Variants in ATOSA observed in about 807,000 individuals in gnomAD.
ATOSA encodes atos homolog protein A.
the ATOSA span, chr15:52,651,865 C>A: frequency 1.3e-6 from 2 of 1,535,424 alleles, no homozygotes; most frequent in Non-Finnish European, 1.7e-6. Context: ...CACTTCACTA[C>A]ACACCTTCTC....
the ATOSA span, among the ~76,000 whole-genome samples, chr15:52,603,588 G>A: frequency 3.2e-5 from 2 of 62,746 alleles, no homozygotes; most frequent in Non-Finnish European, 6.3e-5. Flanking sequence ...CAACCTAAGT[G>A]TCCATCAATA....
chr15:52,673,321 T>G, the ATOSA span, among the ~76,000 whole-genome samples: 1 of 152,174 alleles, frequency 6.6e-6, no homozygotes, highest in Non-Finnish European at 1.5e-5. Flanking sequence ...TTAAACCACT[T>G]TGGTCCCAAA....
the ATOSA span, chr15:52,610,988 T>C: frequency 5.2e-6 from 5 of 966,236 alleles, no homozygotes; most frequent in Non-Finnish European, 7.4e-6. Context: ...TCTCTCTAAC[T>C]TGTTTTGAAA....
chr15:52,621,978 T>C, the ATOSA span, among the ~76,000 whole-genome samples: 2 of 151,940 alleles, frequency 1.3e-5, no homozygotes, highest in African/African-American at 4.8e-5. Flanking sequence ...GCGTCCTGAG[T>C]AGGGATCACA....
At chr15:52,623,084 A>C in the ATOSA span, among the ~76,000 whole-genome samples, 1 of 152,040 alleles carries the variant, frequency 6.6e-6, no homozygotes, top group Non-Finnish European at 1.5e-5. Context: ...GCTTGAGCCC[A>C]GGAGTTCAAG....
the ATOSA span, chr15:52,613,645 T>G: frequency 6.2e-7 from 1 of 1,604,954 alleles, no homozygotes; most frequent in Non-Finnish European, 8.5e-7. Flanking sequence ...ATATAAAAGA[T>G]ACAAAGCATT....
the ATOSA span, among the ~76,000 whole-genome samples, chr15:52,622,195 G>T: frequency 6.6e-6 from 1 of 152,150 alleles, no homozygotes; most frequent in Non-Finnish European, 1.5e-5. Flanking sequence ...ACTGGCATTT[G>T]TGAAGACACA....
At chr15:52,676,042 G>C in the ATOSA span, among the ~76,000 whole-genome samples, 1 of 152,078 alleles carries the variant, frequency 6.6e-6, no homozygotes, top group Non-Finnish European at 1.5e-5. Context: ...AAAAACTGTT[G>C]ACAGCCAGGG....
At chr15:52,598,953 T>C in the ATOSA span, among the ~76,000 whole-genome samples, 3 of 152,166 alleles carry the variant, frequency 2.0e-5, no homozygotes, top group African/African-American at 7.2e-5. Context: ...TCTCACCATA[T>C]GATGTGCCTG....
At chr15:52,611,865 T>G in the ATOSA span, 2 of 1,225,120 alleles carry the variant, frequency 1.6e-6, no homozygotes, top group Admixed American at 2.2e-5. Context: ...AAAGTAGACA[T>G]CTGTGTGAGA....
chr15:52,605,087 A>T, the ATOSA span: 1 of 1,192,168 alleles, frequency 8.4e-7, no homozygotes, highest in Non-Finnish European at 1.2e-6. Context: ...TAAACCTTTC[A>T]GATGTATGTA....
At chr15:52,651,730 A>G in the ATOSA span, 45 of 807,488 alleles carry the variant, frequency 5.6e-5, no homozygotes, top group Non-Finnish European at 8.1e-5. Flanking sequence ...TCTAAGTTCA[A>G]TGGTTTTCAA....
the ATOSA span, among the ~76,000 whole-genome samples, chr15:52,700,659 G>A: frequency 6.6e-6 from 1 of 152,178 alleles, no homozygotes; most frequent in Non-Finnish European, 1.5e-5. Flanking sequence ...AGACCAAGAT[G>A]TCTGTAATTC....
chr15:52,644,530 C>T, the ATOSA span, among the ~76,000 whole-genome samples: 17 of 152,224 alleles, frequency 1.1e-4, no homozygotes, highest in African/African-American at 3.6e-4. Context: ...GCACAGTGCT[C>T]GACATGAACA....
chr15:52,703,387 C>G, the ATOSA span, among the ~76,000 whole-genome samples: 3 of 152,118 alleles, frequency 2.0e-5, no homozygotes, highest in Non-Finnish European at 4.4e-5. Flanking sequence ...TTTAAAAGAT[C>G]AATTTCATTC....
chr15:52,629,894 G>A, the ATOSA span, among the ~76,000 whole-genome samples: 1 of 151,992 alleles, frequency 6.6e-6, no homozygotes, highest in Non-Finnish European at 1.5e-5. Context: ...GGAAGCAGCA[G>A]GGAGAAACAA....
the ATOSA span, among the ~76,000 whole-genome samples, chr15:52,614,564 C>T: frequency 2.0e-5 from 3 of 151,506 alleles, no homozygotes; most frequent in Admixed American, 6.6e-5. Flanking sequence ...ATTATATTTT[C>T]GGGCCGGGCG....
the ATOSA span, among the ~76,000 whole-genome samples, chr15:52,645,296 G>A: frequency 6.6e-6 from 1 of 152,238 alleles, no homozygotes; most frequent in African/African-American, 2.4e-5. Context: ...AAAATTAGCT[G>A]GGCATGGAGG....
At chr15:52,677,875 T>C in the ATOSA span, 1 of 1,315,010 alleles carries the variant, frequency 7.6e-7, no homozygotes, top group Non-Finnish European at 1.1e-6. Flanking sequence ...CTGGAATCTG[T>C]CACAAAAACA....
Sources: allele counts gnomAD v4.1 joint callset (sites outside exome capture counted in the v4.1 genomes callset), GRCh38; gene constraint gnomAD v4.1.1; transcripts MANE v1.5; gene names NCBI Gene and HGNC (gene_info 2026-07-23, HGNC 2026-07-21).